The following PSMG2 variants were observed in gnomAD, a reference collection of about 807,000 sequenced individuals.
PSMG2 encodes the protein CD40 ligand-activated specific transcript 3.
In PSMG2, 21 loss-of-function variants were observed where a neutral mutation model predicts 31.5. The observed-to-expected ratio is 0.67, with a 90% CI of 0.47 to 0.96. The LOEUF is 0.96. Ranked by LOEUF, PSMG2 falls within the 40% of genes least tolerant of loss-of-function variation. The probability of loss-of-function intolerance (pLI) is 0.00; values close to 1 mark genes in which losing one functional copy is unlikely to be tolerated. For missense variants in PSMG2, 318 were observed against 321.2 expected, an observed-to-expected ratio of 0.99 and a Z score of 0.08; for synonymous variants, 120 against 110.4, an observed-to-expected ratio of 1.09 and a Z score of -0.54.
intron 1 of PSMG2, among the ~76,000 whole-genome samples, chr18:12,659,644 T>C (rs955096798): frequency 2.6e-5 from 4 of 152,072 alleles, no homozygotes; most frequent in African/African-American, 9.7e-5. Context: ...CACTCCAGCC[T>C]GGGGGACAGA....
chr18:12,702,593 C>T (rs766223323), upstream of PSMG2: 1 of 1,581,106 alleles, frequency 6.3e-7, no homozygotes, highest in Non-Finnish European at 8.6e-7. Context: ...GCCTCAGATG[C>T]CCTAACTGCG....
intron 1 of PSMG2, among the ~76,000 whole-genome samples, chr18:12,682,431 C>T (rs983796971): frequency 6.6e-6 from 1 of 152,100 alleles, no homozygotes; most frequent in Admixed American, 6.6e-5. Flanking sequence ...TCAAGCAATC[C>T]GCTTGCCTCA....
chr18:12,661,381 C>A (rs2038693105), intron 1 of PSMG2: 1 of 983,468 alleles, frequency 1.0e-6, no homozygotes, highest in Non-Finnish European at 1.2e-6. Context: ...GACTGCTGAC[C>A]ACTCAAAGGC....
At chr18:12,660,439 G>A (rs1329002833) in intron 1 of PSMG2, among the ~76,000 whole-genome samples, 3 of 151,286 alleles carry the variant, frequency 2.0e-5, no homozygotes, top group East Asian at 1.9e-4. Flanking sequence ...CTCGTGCCTC[G>A]GCCTCCCGAG....
At chr18:12,660,850 C>G (rs1328936181) in intron 1 of PSMG2, among the ~76,000 whole-genome samples, 1 of 151,902 alleles carries the variant, frequency 6.6e-6, no homozygotes, top group Non-Finnish European at 1.5e-5. Context: ...GGAAAGATGA[C>G]AAGTAGAATA....
At chr18:12,699,909 G>A, upstream of PSMG2, 1 of 1,555,290 alleles carries the variant, frequency 6.4e-7, no homozygotes. Flanking sequence ...CACTGTCCTA[G>A]AAAGGCAGGA....
upstream of PSMG2, chr18:12,700,011 G>A (rs2040098091): frequency 6.9e-6 from 4 of 575,900 alleles, no homozygotes; most frequent in South Asian, 3.8e-5. Flanking sequence ...AACAGGGTAA[G>A]GCCCTTTCAA....
chr18:12,706,698 C>G lies in PSMG2; in HGVS notation c.206C>G (p.Thr69Arg), dbSNP rs1175994458. The G allele has an allele frequency of 6.2e-7, 1 of 1,608,560 alleles. No individual in the cohort carries two copies. The highest frequency in any genetic ancestry group is 1.1e-5 in the South Asian group (1 of 90,392). ...NPYATTEGNS[T>R]ELSINAEVYS... ...TATGCGACCACAGAAGGAAATTCAA[C>G]AGAACTTAGCATAAATGCTGAAGGT... Residue 69 changes from threonine to arginine, a missense_variant, in exon 2 of 7, where the codon ACA becomes AGA. Thr to Arg is a moderately conservative substitution (Grantham distance 71, BLOSUM62 -1). Coordinates refer to ENST00000317615, the MANE Select transcript of PSMG2 (RefSeq NM_020232.5).
intron 1 of PSMG2, among the ~76,000 whole-genome samples, chr18:12,705,570 A>T (rs62096025): frequency 0.045 from 5,666 of 125,924 alleles, 330 homozygotes; most frequent in African/African-American, 0.13. Context: ...AGAGAGAGAG[A>T]GAGAGAGTGT....
chr18:12,674,547 G>C (rs752769881), intron 1 of PSMG2: 4 of 1,611,530 alleles, frequency 2.5e-6, no homozygotes, highest in Non-Finnish European at 3.4e-6. Context: ...GAAGACATGT[G>C]GCAAATGCAC....
chr18:12,661,291 AGAGT>A lies in PSMG2; in HGVS notation c.-37+2522_-37+2525del, dbSNP rs1011258547. 3 of 790,402 alleles carry A rather than the reference AGAGT, an allele frequency of 3.8e-6. No homozygotes were observed. The African/African-American group carries it at 5.6e-5, about 15-fold the overall frequency. 49.0% of individuals were successfully genotyped at this position (790,402 alleles called of 1,614,324 possible). A position where few individuals can be genotyped will look rare whatever the true frequency, so the allele number is the denominator to read the frequency against. The stretch of plus-strand genomic sequence containing the variant: ...CCATTGCACCCCAGCCTGGGTGACA[AGAGT>A]GAGCCTTCATCTCAAAAAAGAAGAA... On this transcript the variant is annotated intron_variant, in intron 1 of 6. Transcript: ENST00000585331.
intron 1 of PSMG2, chr18:12,661,312 AAAG>A: frequency 1.0e-6 from 1 of 965,788 alleles, no homozygotes; most frequent in Non-Finnish European, 1.2e-6. Context: ...TCATCTCAAA[AAAG>A]AAGAAAAAAA....
chr18:12,699,883 G>C, upstream of PSMG2: 1 of 1,596,726 alleles, frequency 6.3e-7, no homozygotes, highest in Non-Finnish European at 8.5e-7. Flanking sequence ...TGGAGAGGAA[G>C]GGAGTTCTTG....
chr18:12,691,507 T>C, intron 1 of PSMG2: 1 of 1,560,976 alleles, frequency 6.4e-7, no homozygotes, highest in Non-Finnish European at 8.7e-7. Flanking sequence ...GAAAAAAATA[T>C]TTTTCAATTT....
At chr18:12,662,481 A>G (rs2038713407) in intron 1 of PSMG2, among the ~76,000 whole-genome samples, 1 of 152,242 alleles carries the variant, frequency 6.6e-6, no homozygotes, top group Admixed American at 6.5e-5. Context: ...AGAGAGCGAG[A>G]ATAAAGTCCT....
At chr18:12,672,551 C>G in intron 1 of PSMG2, 1 of 540,788 alleles carries the variant, frequency 1.8e-6, no homozygotes, top group African/African-American at 2.4e-5. Flanking sequence ...TTTTTTATCA[C>G]AATGAAAGAA....
chr18:12,725,283 C>T (rs892750567), intron 6 of PSMG2, among the ~76,000 whole-genome samples, 156 bp from the exon 7 acceptor site: 1 of 152,076 alleles, frequency 6.6e-6, no homozygotes, highest in African/African-American at 2.4e-5. Context: ...CTTCAGTTGA[C>T]ATGAAGACAA....
At chr18:12,665,696 T>A (rs895674402) in intron 1 of PSMG2, among the ~76,000 whole-genome samples, 12 of 152,000 alleles carry the variant, frequency 7.9e-5, no homozygotes, top group Non-Finnish European at 1.5e-4. Context: ...TTCTTAAAAA[T>A]TTTTTTTTAA....
intron 1 of PSMG2, chr18:12,663,615 A>G (rs1305081861): frequency 6.6e-6 from 1 of 152,218 alleles, no homozygotes; most frequent in Non-Finnish European, 1.5e-5. Flanking sequence ...ATGTTTGACA[A>G]TAATTGCTTA....
Sources: allele counts gnomAD v4.1 joint callset (sites outside exome capture counted in the v4.1 genomes callset), GRCh38; gene constraint gnomAD v4.1.1; transcripts MANE v1.5; gene names NCBI Gene and HGNC (gene_info 2026-07-23, HGNC 2026-07-21).